SULT4A1: variants seen among roughly 807,000 people sequenced by gnomAD.
SULT4A1 encodes sulfotransferase family 4A member 1.
A neutral mutation model predicts 35.2 loss-of-function variants in SULT4A1; 11 were observed. The observed-to-expected ratio is 0.31, with a 90% CI of 0.20 to 0.52. The LOEUF (loss-of-function observed/expected upper bound fraction) is 0.52, where lower values mean the gene tolerates loss of function less well. SULT4A1 is among the 20% of genes least tolerant of loss of function. The pLI, the probability that SULT4A1 is intolerant of heterozygous loss-of-function variation, is 0.97. For missense variants in SULT4A1, 271 were observed against 383.7 expected, an observed-to-expected ratio of 0.71 and a Z score of 2.45; for synonymous variants, 152 against 151.8, an observed-to-expected ratio of 1.00 and a Z score of -0.01.
chr22:43,856,487 C>T (rs1468540020), intron 1 of SULT4A1, among the ~76,000 whole-genome samples: 2 of 152,176 alleles, frequency 1.3e-5, no homozygotes, highest in Non-Finnish European at 2.9e-5. Context: ...CAACATGGAG[C>T]CTGCAGAAGA....
intron 1 of SULT4A1, among the ~76,000 whole-genome samples, chr22:43,842,534 C>T (rs180844211): frequency 5.3e-5 from 8 of 152,262 alleles, no homozygotes; most frequent in Non-Finnish European, 1.0e-4. Flanking sequence ...GTGTACTACA[C>T]AGCAACAAAA....
intron 3 of SULT4A1, 145 bp from the exon 4 acceptor site, chr22:43,839,138 GGCTGCTGGGT>G (rs1306659362): frequency 9.2e-7 from 1 of 1,089,210 alleles, no homozygotes. Context: ...CCATGTGCAC[GGCTGCTGGGT>G]GCTGCTGCTT....
intron 1 of SULT4A1, among the ~76,000 whole-genome samples, chr22:43,851,923 C>T (rs953683534): frequency 1.3e-5 from 2 of 152,228 alleles, no homozygotes; most frequent in African/African-American, 4.8e-5. Flanking sequence ...TCAGGCTCCC[C>T]GCCTGCCCAG....
chr22:43,861,238 C>G (rs1407935867), intron 1 of SULT4A1, among the ~76,000 whole-genome samples: 3 of 152,210 alleles, frequency 2.0e-5, no homozygotes, highest in Non-Finnish European at 4.4e-5. Context: ...ACAGCTACAA[C>G]AGCCAAGCCT....
At chr22:43,846,740 G>A (rs1444564502) in intron 1 of SULT4A1, among the ~76,000 whole-genome samples, 1 of 152,244 alleles carries the variant, frequency 6.6e-6, no homozygotes, top group African/African-American at 2.4e-5. Context: ...ACCAGGGTGT[G>A]GCTGCCTTGC....
intron 1 of SULT4A1, among the ~76,000 whole-genome samples, chr22:43,842,987 C>CTCTT (rs2063446311): frequency 6.6e-6 from 1 of 151,570 alleles, no homozygotes. Flanking sequence ...CTCTCTCTCT[C>CTCTT]TCTCTCTCTC....
At position 43,851,988 on chromosome 22, in the gene SULT4A1, C is replaced by T. The variant is rs140892132; in HGVS notation, c.170-10056G>A. Among the ~76,000 whole-genome samples, 464 of 152,208 alleles carry T rather than the reference C, an allele frequency of 3.0e-3. 2 individuals are homozygous for T. Among genetic ancestry groups the T allele is most frequent in the African/African-American group, 0.011 (441 of 41,526 alleles). ...TTCTGGGTTTCTAATCCACCACGCCCTCCTCTCCTGCTCTGGGAGTTCAGA... is the reference window on the plus strand; with the variant it reads ...TTCTGGGTTTCTAATCCACCACGCCTTCCTCTCCTGCTCTGGGAGTTCAGA... On this transcript the variant is annotated intron_variant, in intron 1 of 6. Transcript: ENST00000330884.
intron 1 of SULT4A1, among the ~76,000 whole-genome samples, chr22:43,854,462 C>G (rs2148304978): frequency 6.6e-6 from 1 of 152,336 alleles, no homozygotes; most frequent in Non-Finnish European, 1.5e-5. Context: ...GGGAAAGAAT[C>G]AGGGCCTTGC....
chr22:43,855,910 C>T (rs1175179996), intron 1 of SULT4A1, among the ~76,000 whole-genome samples: 1 of 152,320 alleles, frequency 6.6e-6, no homozygotes, highest in East Asian at 1.9e-4. Context: ...TGAGACAGGG[C>T]CCTGGAGGAA....
intron 6 of SULT4A1, chr22:43,827,012 T>C (rs2063291811): frequency 1.0e-6 from 1 of 985,428 alleles, no homozygotes; most frequent in Non-Finnish European, 1.2e-6. Context: ...AAGTTGTTGC[T>C]CCCATTGTCT....
chr22:43,853,866 C>T (rs1396625364), intron 1 of SULT4A1, among the ~76,000 whole-genome samples: 2 of 152,214 alleles, frequency 1.3e-5, no homozygotes, highest in Non-Finnish European at 2.9e-5. Context: ...GGCTCCGCCC[C>T]AGGGGGCAGA....
chr22:43,840,024 T>C lies in SULT4A1; in HGVS notation c.302A>G (p.Glu101Gly). ...CTTGATGAGGCGGGGAGAGGTCAGTTCCTGCGTGGAGTCAGAGGGAGAGGC... is the reference window on the plus strand; with the variant it reads ...CTTGATGAGGCGGGGAGAGGTCAGTCCCTGCGTGGAGTCAGAGGGAGAGGC... ...YPQPGLDIIK[E>G]LTSPRLIKSH... The change falls in exon 3 of 7, where the codon GAA becomes GGA. Residue 101 changes from glutamate (E) to glycine (G), a missense_variant and splice_region_variant. Glu to Gly is a moderately conservative substitution (Grantham distance 98, BLOSUM62 -2). Around this residue, in one of 3 missense-constraint regions of SULT4A1, gnomAD observed 164 missense variants for 254.1 expected, o/e 0.65. Transcript: ENST00000330884. 6.3e-7 allele frequency: 1 copy of C among 1,599,388 alleles called. No homozygotes were observed. The highest frequency in any genetic ancestry group is 8.5e-7 in the Non-Finnish European group (1 of 1,173,688).
At chr22:43,833,894 C>T (rs920704933) in intron 4 of SULT4A1, among the ~76,000 whole-genome samples, 160 bp from the exon 5 acceptor site, 5 of 152,224 alleles carry the variant, frequency 3.3e-5, no homozygotes, top group Non-Finnish European at 7.3e-5. Flanking sequence ...CCGAGGCACT[C>T]ACGTCTTGAG....
intron 6 of SULT4A1, 21 bp from the exon 7 acceptor site, chr22:43,826,134 C>T: frequency 6.2e-7 from 1 of 1,612,156 alleles, no homozygotes; most frequent in Non-Finnish European, 8.5e-7. Flanking sequence ...AACAAGAGAA[C>T]TGCTGGGGCC....
chr22:43,841,022 G>T (rs752613948), intron 2 of SULT4A1, among the ~76,000 whole-genome samples: 6 of 152,204 alleles, frequency 3.9e-5, no homozygotes, highest in Non-Finnish European at 7.4e-5. Context: ...CTGAAAGGCC[G>T]GGCCTGATGC....
rs570159765 is a variant in SULT4A1 at position 43,852,185 on chromosome 22, C to CT, written c.169+10028dup. Among the ~76,000 whole-genome samples, 295 of 152,016 alleles carry CT rather than the reference C, an allele frequency of 1.9e-3. 6 individuals carry two copies. The South Asian group carries it at 0.03, about 16-fold the overall frequency. On this transcript the variant is annotated intron_variant, in intron 1 of 6. Coordinates refer to ENST00000330884, the MANE Select transcript of SULT4A1 (RefSeq NM_014351.4). ...TCCCTGAGAAACAGCAACAGCTAGA[C>CT]TTTTTTTTGTTTTTGGAGGCAGGGT...
chr22:43,839,845 G>A (rs2063410000), intron 3 of SULT4A1, 100 bp downstream of exon 3: 1 of 1,149,656 alleles, frequency 8.7e-7, no homozygotes, highest in South Asian at 1.3e-5. Context: ...CAGCCCCCAA[G>A]GCCAGGTAAG....
chr22:43,839,639 T>C (rs1350281686), intron 3 of SULT4A1, among the ~76,000 whole-genome samples: 4 of 152,100 alleles, frequency 2.6e-5, no homozygotes, highest in Non-Finnish European at 5.9e-5. Flanking sequence ...TGGCATTTGA[T>C]GCAATTGAAA....
chr22:43,840,785 G>A (rs1173282627), intron 2 of SULT4A1, among the ~76,000 whole-genome samples: 1 of 152,218 alleles, frequency 6.6e-6, no homozygotes, highest in African/African-American at 2.4e-5. Context: ...AATGGGCCCA[G>A]CCCTCATGAA....
Sources: allele counts gnomAD v4.1 joint callset (sites outside exome capture counted in the v4.1 genomes callset), GRCh38; gene constraint gnomAD v4.1.1; regional missense constraint gnomAD v4.1.1; transcripts MANE v1.5; gene names NCBI Gene and HGNC (gene_info 2026-07-23, HGNC 2026-07-21).